The following TCEANC2 variants were observed in gnomAD, a reference collection of about 807,000 sequenced individuals.
TCEANC2 encodes transcription elongation factor A N-terminal and central domain-containing protein 2.
In TCEANC2, 20 loss-of-function variants were observed where a neutral mutation model predicts 22.8. That is an observed-to-expected ratio of 0.88 (90% CI 0.62 to 1.28). TCEANC2 has a LOEUF of 1.28. TCEANC2 is among the 50% of genes most tolerant of loss of function. TCEANC2 has a pLI of 0.00. For synonymous variants in TCEANC2, 84 were observed against 95.5 expected (o/e 0.88, Z 0.70); for missense variants, 251 against 249.7 (o/e 1.01, Z -0.03).
chr1:54,055,981 G>A (rs888094972), intron 2 of TCEANC2, among the ~76,000 whole-genome samples: 1 of 152,132 alleles, frequency 6.6e-6, no homozygotes, highest in Non-Finnish European at 1.5e-5. Context: ...AGCATCCCTG[G>A]CTCTCAGGCA....
rs1658735180 is a variant in TCEANC2, at chr1:54,105,400, A to T, written c.*8927A>T. 6.6e-6 allele frequency: 1 copy of T among 152,342 alleles called. No homozygotes were observed. The highest frequency in any genetic ancestry group is 2.4e-5 in the African/African-American group (1 of 41,460). 9.4% of individuals were successfully genotyped at this position (152,342 alleles called of 1,614,324 possible). ...CTCAACTTGACAACTTGGAAGGGCC[A>T]TCTCAGCTTCAAGACCCTCCCATGA... is the stretch of plus-strand genomic sequence containing the variant. On this transcript the variant is annotated 3_prime_UTR_variant, in exon 5 of 5. Transcript: ENST00000234827.
At chr1:54,087,259 C>T (rs937789551) in intron 3 of TCEANC2, among the ~76,000 whole-genome samples, 11 of 151,988 alleles carry the variant, frequency 7.2e-5, no homozygotes, top group African/African-American at 2.7e-4. Flanking sequence ...TATCTAAGTA[C>T]TTTGCATATT....
chr1:54,060,190 G>C (rs1379780002), intron 2 of TCEANC2, among the ~76,000 whole-genome samples: 1 of 152,044 alleles, frequency 6.6e-6, no homozygotes, highest in Non-Finnish European at 1.5e-5. Context: ...GGTGGATCAT[G>C]AGGTCAGGAG....
exon 5 of TCEANC2, chr1:54,111,174 C>T (rs1423180177): frequency 6.6e-6 from 1 of 152,272 alleles, no homozygotes; most frequent in Non-Finnish European, 1.5e-5. Flanking sequence ...GGCACCGCCC[C>T]CGTGCCTCCA....
chr1:54,107,984 A>G (rs1038395774), downstream of TCEANC2, among the ~76,000 whole-genome samples: 10 of 152,230 alleles, frequency 6.6e-5, no homozygotes, highest in African/African-American at 4.8e-5. Context: ...TTTGTTGCCT[A>G]TTAATAGACC....
At chr1:54,093,333 A>C (rs1255144477) in intron 4 of TCEANC2, among the ~76,000 whole-genome samples, 1 of 152,172 alleles carries the variant, frequency 6.6e-6, no homozygotes, top group Admixed American at 6.5e-5. Flanking sequence ...GGACTCATCA[A>C]CTTGGGTGGG....
chr1:54,058,619 C>T (rs904801236), intron 2 of TCEANC2, among the ~76,000 whole-genome samples: 4 of 152,138 alleles, frequency 2.6e-5, no homozygotes, highest in Admixed American at 6.5e-5. Context: ...TTTATATGTA[C>T]GCATTCCAGC....
intron 2 of TCEANC2, among the ~76,000 whole-genome samples, chr1:54,062,088 G>T (rs1009773079): frequency 6.6e-6 from 1 of 152,136 alleles, no homozygotes; most frequent in African/African-American, 2.4e-5. Context: ...TGCCTTTGTA[G>T]GATCAACTAG....
downstream of TCEANC2, among the ~76,000 whole-genome samples, chr1:54,109,905 C>G (rs1658814476): frequency 6.6e-6 from 1 of 152,188 alleles, no homozygotes; most frequent in African/African-American, 2.4e-5. Flanking sequence ...GCAGGTTTAC[C>G]TCTGAGATAA....
Position 54,096,702 on chromosome 1 carries a change from C to CTG in TCEANC2, c.*231_*232dup, listed in dbSNP as rs1242004212. The CTG allele has an allele frequency of 8.1e-7, 1 of 1,227,084 alleles. No homozygotes were observed. The highest frequency in any genetic ancestry group is 1.0e-6 in the Non-Finnish European group (1 of 963,354). The allele number at this position is 1,227,084 out of a possible 1,614,324, so 76.0% of individuals were successfully genotyped here. The stretch of plus-strand genomic sequence containing the variant: ...TGCTGCCTAACAGAACGCACACTGG[C>CTG]TGTCACTAGGAAGCGCCATACGGTT... On this transcript the variant is annotated 3_prime_UTR_variant, in exon 5 of 5. Coordinates refer to ENST00000234827, the MANE Select transcript of TCEANC2 (RefSeq NM_153035.3). The surrounding 1 kb of genome is among the most constrained non-coding windows in gnomAD (Gnocchi z 4.9).
At position 54,096,633 on chromosome 1, in the gene TCEANC2, A is replaced by G. The variant is rs990688388; in HGVS notation, c.*160A>G. ...GACAGAGGATTCGGAGAGCCCTAGGAGACAGGCCTGCAGGAATGTGCTTCA... is the reference window on the plus strand; with the variant it reads ...GACAGAGGATTCGGAGAGCCCTAGGGGACAGGCCTGCAGGAATGTGCTTCA... On this transcript the variant is annotated 3_prime_UTR_variant, in exon 5 of 5. Coordinates refer to ENST00000234827, the MANE Select transcript of TCEANC2 (RefSeq NM_153035.3). This position sits in a 1 kb window ranked among gnomAD's most constrained non-coding sequence, Gnocchi z 4.9. 3.5e-5 allele frequency: 48 copies of G among 1,366,376 alleles called. No homozygotes were observed. The highest frequency in any genetic ancestry group is 4.5e-5 in the Non-Finnish European group (47 of 1,049,194). 84.6% of individuals were successfully genotyped at this position (1,366,376 alleles called of 1,614,324 possible). A position where few individuals can be genotyped will look rare whatever the true frequency, so the allele number is the denominator to read the frequency against.
chr1:54,094,303 C>G (rs1184272611), intron 4 of TCEANC2, among the ~76,000 whole-genome samples: 1 of 152,160 alleles, frequency 6.6e-6, no homozygotes, highest in East Asian at 1.9e-4. Context: ...CCATCTGTCT[C>G]TCATGTTAGG....
downstream of TCEANC2, among the ~76,000 whole-genome samples, chr1:54,108,695 G>A (rs1158100500): frequency 2.0e-5 from 3 of 152,196 alleles, no homozygotes; most frequent in Non-Finnish European, 4.4e-5. Context: ...TTCTTGAGCC[G>A]GGCGTGGTGG....
rs772390157 is a variant in TCEANC2, at chr1:54,088,751, A to G, written c.399A>G (p.Lys133=). Residue 133 remains lysine, a synonymous_variant, in exon 4 of 5, where the codon AAA becomes AAG. Coordinates refer to ENST00000234827, the MANE Select transcript of TCEANC2 (RefSeq NM_153035.3). ...RSDPKTESLR[K]NAQKLLSEAL... is the part of the protein sequence containing the mutation. The stretch of plus-strand genomic sequence containing the variant: ...ATCCCAAAACCGAGTCGTTGAGGAA[A>G]AATGCTCAGAAATTACTCTCAGAAG... 2 of 1,599,900 alleles carry G rather than the reference A, an allele frequency of 1.3e-6. No homozygotes were observed. The highest frequency in any genetic ancestry group is 1.7e-6 in the Non-Finnish European group (2 of 1,172,762).
At chr1:54,054,900 C>T (rs973060317) in intron 2 of TCEANC2, among the ~76,000 whole-genome samples, 21 of 152,242 alleles carry the variant, frequency 1.4e-4, no homozygotes, top group African/African-American at 5.1e-4. Context: ...TCACATCTGT[C>T]ACACTGCCCA....
chr1:54,111,469 G>A (rs1658838751), exon 5 of TCEANC2: 1 of 152,184 alleles, frequency 6.6e-6, no homozygotes, highest in Admixed American at 6.5e-5. Flanking sequence ...TACTACTCAG[G>A]AAGGTCAACT....
At chr1:54,073,463 G>A (rs1658094199) in intron 3 of TCEANC2, among the ~76,000 whole-genome samples, 1 of 152,178 alleles carries the variant, frequency 6.6e-6, no homozygotes. Context: ...AAGTATTTCA[G>A]CAGCATTGCT....
chr1:54,070,445 AAAT>A (rs1208070353), intron 3 of TCEANC2, among the ~76,000 whole-genome samples: 5 of 152,224 alleles, frequency 3.3e-5, no homozygotes, highest in African/African-American at 1.2e-4. Context: ...ATAATTAAAA[AAAT>A]AATTTCTATT....
At chr1:54,056,518 G>A (rs1220192219) in intron 2 of TCEANC2, among the ~76,000 whole-genome samples, 3 of 151,708 alleles carry the variant, frequency 2.0e-5, no homozygotes, top group Admixed American at 6.6e-5. Context: ...GTAGAGATGG[G>A]GTTTCACTAT....
Sources: gnomAD v4.1 joint callset for allele counts (sites outside exome capture counted in the v4.1 genomes callset) on GRCh38, gnomAD v4.1.1 for gene constraint, Gnocchi (gnomAD v3.1) non-coding constraint, MANE v1.5 for transcripts, NCBI Gene and HGNC (gene_info 2026-07-23, HGNC 2026-07-21) for gene names.